Variants in TRIM16 observed in about 807,000 individuals in gnomAD.
TRIM16 encodes tripartite motif-containing protein 16.
A neutral mutation model predicts 50.4 loss-of-function variants in TRIM16; 33 were observed. The observed-to-expected ratio is 0.65, with a 90% CI of 0.50 to 0.88. The LOEUF is 0.88. Among genes scored for constraint, TRIM16 ranks in the 40% least tolerant of loss-of-function variants. The probability of loss-of-function intolerance (pLI) is 0.00; values close to 1 mark genes in which losing one functional copy is unlikely to be tolerated. For missense variants in TRIM16, 581 were observed against 686.8 expected (o/e 0.85, Z 1.72); for synonymous variants, 229 against 270.7 (o/e 0.85, Z 1.51).
rs1987712240 is a variant in TRIM16 at position 15,651,604 on chromosome 17, A to G, written c.6T>C (p.Ala2=). Residue 2 remains alanine (A), a synonymous_variant, in exon 7 of 12, where the codon GCT becomes GCC. Transcript: ENST00000649191. ...GCCCTGGAGCCATTAGATCCAACTC[A>G]GCCATCTGGGAGGCTCTGCTCCTAG... M[A]ELDLMAPGPL... The G allele has an allele frequency of 6.2e-7, 1 of 1,613,492 alleles. No individual in the cohort carries two copies. Among genetic ancestry groups the G allele is most frequent in the African/African-American group, 1.3e-5 (1 of 74,922 alleles).
chr17:15,629,011 C>T lies in TRIM16; in HGVS notation c.1299G>A (p.Val433=). 2 of 1,614,194 alleles carry T rather than the reference C, an allele frequency of 1.2e-6. No homozygotes were observed. The highest frequency in any genetic ancestry group is 8.5e-7 in the Non-Finnish European group (1 of 1,180,030). Residue 433 remains valine, a synonymous_variant, in exon 12 of 12, where the codon GTG becomes GTA. Coordinates refer to ENST00000649191, the MANE Select transcript of TRIM16 (RefSeq NM_001348119.1). The part of the protein sequence containing the change: ...SLYLHRYYFE[V]EIFGAGTYVG... ...CATAGGTGCCTGCCCCGAAGATCTC[C>T]ACCTCAAAATAGTACCTGTGCAGGT...
chr17:15,634,501 C>T (rs1986620276), intron 9 of TRIM16, among the ~76,000 whole-genome samples: 1 of 145,360 alleles, frequency 6.9e-6, no homozygotes, highest in Non-Finnish European at 1.5e-5. Context: ...CATGGTGGCC[C>T]ATGCTTGTAA....
At position 15,631,676 on chromosome 17, in the gene TRIM16, G is replaced by C. The variant is rs199534686; in HGVS notation, c.1054C>G (p.Gln352Glu). 3.3e-5 allele frequency: 54 copies of C among 1,613,798 alleles called. No individual in the cohort carries two copies. Among genetic ancestry groups the C allele is most frequent in the Non-Finnish European group, 3.1e-5 (36 of 1,179,880 alleles). Residue 352 changes from glutamine to glutamate, a missense_variant, in exon 11 of 12, where the codon CAG becomes GAG. Gln to Glu is a conservative substitution (Grantham distance 29, BLOSUM62 2). This residue lies in a region of TRIM16 where 450 missense variants were observed against 544.3 expected (regional missense o/e 0.83). Coordinates refer to ENST00000649191, the MANE Select transcript of TRIM16 (RefSeq NM_001348119.1). ...DIRTQVSAVV[Q>E]RKYWTSKPEP... is the part of the protein sequence containing the mutation. ...GGTTTGGAAGTCCAATATTTGCGCT[G>C]AACAACGGCAGACACTTGAGTTCTG... is the stretch of plus-strand genomic sequence containing the variant.
intron 7 of TRIM16, among the ~76,000 whole-genome samples, chr17:15,650,470 C>T (rs1987631778): frequency 2.0e-5 from 3 of 152,182 alleles, no homozygotes; most frequent in Admixed American, 2.0e-4. Flanking sequence ...TTAGTCTCTC[C>T]TGATACCTCC....
intron 9 of TRIM16, among the ~76,000 whole-genome samples, chr17:15,634,958 T>C (rs1986656269): frequency 6.7e-6 from 1 of 149,010 alleles, no homozygotes; most frequent in South Asian, 2.1e-4. Flanking sequence ...TTTCTTCGTG[T>C]TTTGATACTG....
At chr17:15,656,066 G>C (rs184231662) in intron 6 of TRIM16, among the ~76,000 whole-genome samples, 1 of 152,114 alleles carries the variant, frequency 6.6e-6, no homozygotes, top group African/African-American at 2.4e-5. Flanking sequence ...GGGATTAGGA[G>C]TGGTGGCCCC....
chr17:15,682,132 A>G (rs1989207938), intron 3 of TRIM16, among the ~76,000 whole-genome samples: 1 of 152,264 alleles, frequency 6.6e-6, no homozygotes, highest in African/African-American at 2.4e-5. Context: ...TACCTGGTAC[A>G]GAATAAGCAC....
chr17:15,676,805 T>G (rs542789781), intron 6 of TRIM16, among the ~76,000 whole-genome samples: 141 of 152,284 alleles, frequency 9.3e-4, no homozygotes, highest in African/African-American at 3.3e-3. Flanking sequence ...CAATTTTATA[T>G]CCTTAAAATT....
At chr17:15,644,860 G>C (rs1987287412) in intron 7 of TRIM16, among the ~76,000 whole-genome samples, 1 of 151,810 alleles carries the variant, frequency 6.6e-6, no homozygotes, top group Non-Finnish European at 1.5e-5. Flanking sequence ...CTGTCGTCCA[G>C]GCTGGAGTGC....
At chr17:15,639,465 G>A (rs1440496887) in intron 8 of TRIM16, among the ~76,000 whole-genome samples, 2 of 148,278 alleles carry the variant, frequency 1.3e-5, no homozygotes, top group Admixed American at 6.7e-5. Context: ...AAGGAAGAGC[G>A]GGGATGGTAG....
chr17:15,679,311 G>T (rs1180730943), intron 4 of TRIM16, among the ~76,000 whole-genome samples: 1 of 152,162 alleles, frequency 6.6e-6, no homozygotes, highest in Non-Finnish European at 1.5e-5. Context: ...AATGCTCCTG[G>T]ATATGTCTGG....
At chr17:15,634,449 G>C (rs2150899949) in intron 9 of TRIM16, among the ~76,000 whole-genome samples, 1 of 148,504 alleles carries the variant, frequency 6.7e-6, no homozygotes, top group South Asian at 2.2e-4. Context: ...GACCAACACG[G>C]AGAAACCCCG....
chr17:15,633,107 A>C (rs1350311052), intron 9 of TRIM16, among the ~76,000 whole-genome samples: 2 of 152,234 alleles, frequency 1.3e-5, no homozygotes, highest in African/African-American at 4.8e-5. Flanking sequence ...GTTTCATCCA[A>C]TGCATAAATT....
intron 6 of TRIM16, among the ~76,000 whole-genome samples, chr17:15,654,061 C>G (rs1304932402): frequency 2.0e-5 from 3 of 152,108 alleles, no homozygotes; most frequent in African/African-American, 7.2e-5. Flanking sequence ...AGGATGGTTC[C>G]AAGATATTAC....
rs753079220 is a variant in TRIM16 at position 15,651,646 on chromosome 17, C to T, written c.-37G>A. 6.3e-7 allele frequency: 1 copy of T among 1,597,090 alleles called. No individual in the cohort carries two copies. The highest frequency in any genetic ancestry group is 1.3e-5 in the African/African-American group (1 of 74,598). ...TGCTCCTAGGCTGTCTTTCTTCTGTCCCTTGGCCCAGGATCTGTGCAGCCC... is the reference window on the plus strand; with the variant it reads ...TGCTCCTAGGCTGTCTTTCTTCTGTTCCTTGGCCCAGGATCTGTGCAGCCC... On this transcript the variant is annotated 5_prime_UTR_variant, in exon 7 of 12. Coordinates refer to ENST00000649191, the MANE Select transcript of TRIM16 (RefSeq NM_001348119.1).
chr17:15,671,809 G>A (rs1222439369), intron 6 of TRIM16, among the ~76,000 whole-genome samples: 3 of 152,112 alleles, frequency 2.0e-5, no homozygotes, highest in African/African-American at 7.2e-5. Context: ...GATATAAATA[G>A]TAAGTAAGCA....
At chr17:15,661,411 C>A (rs1002003266) in intron 6 of TRIM16, among the ~76,000 whole-genome samples, 18 of 152,148 alleles carry the variant, frequency 1.2e-4, no homozygotes, top group Admixed American at 1.1e-3. Context: ...ATGTAAGAAA[C>A]CCCAACTTCC....
chr17:15,632,431 C>T, intron 10 of TRIM16, 78 bp downstream of exon 10: 2 of 1,460,252 alleles, frequency 1.4e-6, no homozygotes, highest in Non-Finnish European at 1.8e-6. Context: ...TCCTCCCTTC[C>T]CTGACTCTCT....
At position 15,671,657 on chromosome 17, in the gene TRIM16, G is replaced by A. The variant is rs2654374; in HGVS notation, c.-338+5519C>T. Among the ~76,000 whole-genome samples the A allele has an allele frequency of 4.6e-5, 7 of 151,722 alleles. No homozygotes were observed. The South Asian group carries it at 6.3e-4, about 14-fold the overall frequency. On this transcript the variant is annotated intron_variant, in intron 6 of 11. Coordinates refer to ENST00000649191, the MANE Select transcript of TRIM16 (RefSeq NM_001348119.1). ...TATTATTTTGTGTAAAATCAGCAAC[G>A]AAAGCCCTAAACAAAGATAGGTTTC...
Sources: gnomAD v4.1 joint callset for allele counts (sites outside exome capture counted in the v4.1 genomes callset) on GRCh38, gnomAD v4.1.1 for gene constraint, gnomAD v4.1.1 regional missense constraint, MANE v1.5 for transcripts, NCBI Gene and HGNC (gene_info 2026-07-23, HGNC 2026-07-21) for gene names.